MTHFD1L: variants seen among roughly 807,000 people sequenced by gnomAD.
MTHFD1L encodes methylenetetrahydrofolate dehydrogenase (NADP+ dependent) 1 like.
MTHFD1L carries 81 observed loss-of-function variants against 119.5 expected under a neutral mutation model. The ratio of observed to expected loss-of-function variants is 0.68; its 90% CI spans 0.57 to 0.82. MTHFD1L has a LOEUF of 0.82. Ranked by LOEUF, MTHFD1L falls within the 40% of genes least tolerant of loss-of-function variation. The pLI is 0.00. For missense variants in MTHFD1L, 1,125 were observed against 1,253.4 expected (o/e 0.90, Z 1.55); for synonymous variants, 430 against 475.2 (o/e 0.90, Z 1.24).
At chr6:150,940,142 A>G (rs1313046777) in intron 13 of MTHFD1L, among the ~76,000 whole-genome samples, 1 of 152,130 alleles carries the variant, frequency 6.6e-6, no homozygotes, top group Non-Finnish European at 1.5e-5. Flanking sequence ...TATCTGGTTC[A>G]GTTGGCTGTG....
At chr6:150,892,387 C>T (rs767321099) in intron 7 of MTHFD1L, among the ~76,000 whole-genome samples, 23 of 152,134 alleles carry the variant, frequency 1.5e-4, no homozygotes, top group African/African-American at 5.1e-4. Context: ...ACTTTGAGAA[C>T]GATTAAGTGG....
chr6:150,986,731 G>A lies in MTHFD1L; in HGVS notation c.2125+14673G>A, dbSNP rs373096105. ...CTGTTTTTGTTTTTTTGGAGATCAA[G>A]TCTCACTCTGTCGCCCAGGCTGAAG... is the stretch of plus-strand genomic sequence containing the variant. On this transcript the variant is annotated intron_variant, in intron 20 of 27. Coordinates refer to ENST00000367321, the MANE Select transcript of MTHFD1L (RefSeq NM_015440.5). Among the ~76,000 whole-genome samples, 85 of 152,270 alleles carry A rather than the reference G, an allele frequency of 5.6e-4. 3 individuals are homozygous for A. In the South Asian group the frequency reaches 0.017, roughly 30 times the overall value.
intron 26 of MTHFD1L, among the ~76,000 whole-genome samples, chr6:151,038,608 G>A (rs1475918274): frequency 2.0e-5 from 3 of 152,156 alleles, no homozygotes; most frequent in Non-Finnish European, 2.9e-5. Flanking sequence ...GGAGAAGAAT[G>A]TGGTCTGATG....
chr6:150,878,410 C>A (rs915346304), intron 4 of MTHFD1L, among the ~76,000 whole-genome samples: 6 of 152,256 alleles, frequency 3.9e-5, no homozygotes, highest in South Asian at 2.1e-4. Context: ...TGCCACCACG[C>A]CTGGCTAATT....
At chr6:151,059,351 T>G (rs1293197471) in intron 26 of MTHFD1L, among the ~76,000 whole-genome samples, 3 of 151,708 alleles carry the variant, frequency 2.0e-5, no homozygotes, top group African/African-American at 7.3e-5. Flanking sequence ...AGCTAATTTT[T>G]GTATTAGTAG....
rs1793846243 is a variant in MTHFD1L at position 151,086,755 on chromosome 6, C to T, written c.2848-5712C>T. Among the ~76,000 whole-genome samples, 7 of 152,180 alleles carry T rather than the reference C, an allele frequency of 4.6e-5. No homozygotes were observed. In the South Asian group the frequency reaches 1.5e-3, roughly 32 times the overall value. On this transcript the variant is annotated intron_variant, in intron 26 of 27. Coordinates refer to ENST00000367321, the MANE Select transcript of MTHFD1L (RefSeq NM_015440.5). ...ATATTGCCCAGGCTGGTCTTGAACT[C>T]CTGGGCTCAATCCATCCTCCTACCT...
At chr6:151,043,318 G>T (rs1787431971) in intron 26 of MTHFD1L, among the ~76,000 whole-genome samples, 1 of 130,402 alleles carries the variant, frequency 7.7e-6, no homozygotes. Flanking sequence ...AGGCTGGAGT[G>T]CAGTAGCATG....
chr6:151,001,175 T>G (rs1404033048), intron 20 of MTHFD1L, among the ~76,000 whole-genome samples: 1 of 152,200 alleles, frequency 6.6e-6, no homozygotes, highest in African/African-American at 2.4e-5. Flanking sequence ...TGTTGTATAT[T>G]TGATATATGT....
chr6:150,900,931 C>T (rs1785001712), intron 7 of MTHFD1L, among the ~76,000 whole-genome samples: 1 of 151,740 alleles, frequency 6.6e-6, no homozygotes, highest in Admixed American at 6.6e-5. Flanking sequence ...AGGAGAATGG[C>T]ATGAACCCAG....
chr6:150,960,561 A>G, intron 18 of MTHFD1L, 146 bp downstream of exon 18: 2 of 1,138,370 alleles, frequency 1.8e-6, no homozygotes, highest in Non-Finnish European at 2.4e-6. Context: ...CCCGACAAGC[A>G]TGTTTGCCTA....
At chr6:151,003,424 C>T (rs1052654298) in intron 20 of MTHFD1L, among the ~76,000 whole-genome samples, 8 of 151,822 alleles carry the variant, frequency 5.3e-5, no homozygotes, top group South Asian at 2.1e-4. Context: ...CCCACCTACT[C>T]GGGAGGCTGA....
chr6:150,902,049 A>G (rs1211220578), intron 7 of MTHFD1L, among the ~76,000 whole-genome samples: 1 of 152,204 alleles, frequency 6.6e-6, no homozygotes, highest in Non-Finnish European at 1.5e-5. Flanking sequence ...GTTTCAAAAC[A>G]CATTGATAGC....
At chr6:151,000,242 C>G (rs913269572) in intron 20 of MTHFD1L, among the ~76,000 whole-genome samples, 1 of 150,774 alleles carries the variant, frequency 6.6e-6, no homozygotes, top group African/African-American at 2.4e-5. Flanking sequence ...GAGGCTGAGG[C>G]AGGAGAATTG....
In MTHFD1L at chr6:150,926,283, T is replaced by A; in HGVS notation, c.1244T>A (p.Val415Asp). Residue 415 changes from valine to aspartate, a missense_variant, in exon 11 of 28, where the codon GTC (valine) becomes GAC (aspartate). By Grantham distance (152) the Val-to-Asp change is radical. Around this residue, in one of 3 missense-constraint regions of MTHFD1L, gnomAD observed 1,058 missense variants for 1,151.2 expected, o/e 0.92. Transcript: ENST00000367321. This position sits in a 1 kb window ranked among gnomAD's most constrained non-coding sequence, Gnocchi z 4.3. Reference protein sequence around the residue: ...RLKDQADGKYVLVAGITPTPL... With the variant: ...RLKDQADGKYDLVAGITPTPL... ...AAGGATCAAGCAGATGGAAAATACG[T>A]CTTAGTTGCTGGGTAAGACACCATC... 1 of 1,611,262 alleles carries A rather than the reference T, an allele frequency of 6.2e-7. No individual in the cohort carries two copies. Among genetic ancestry groups the A allele is most frequent in the South Asian group, 1.1e-5 (1 of 90,856 alleles).
intron 24 of MTHFD1L, among the ~76,000 whole-genome samples, chr6:151,029,532 C>T (rs1383807732): frequency 1.3e-5 from 2 of 151,886 alleles, no homozygotes; most frequent in Non-Finnish European, 2.9e-5. Context: ...CACAGTGGCT[C>T]ACGCCTGTAA....
chr6:150,975,821 C>T (rs1776476126), intron 20 of MTHFD1L, among the ~76,000 whole-genome samples: 1 of 152,194 alleles, frequency 6.6e-6, no homozygotes, highest in Non-Finnish European at 1.5e-5. Flanking sequence ...CTGAGCAGTA[C>T]CTCATTTAGA....
In MTHFD1L at chr6:150,882,816, C is replaced by G. The variant is rs1044942130; in HGVS notation, c.472C>G (p.Leu158Val). The G allele has an allele frequency of 1.9e-6, 3 of 1,578,634 alleles. No homozygotes were observed. Among genetic ancestry groups the G allele is most frequent in the Non-Finnish European group, 2.6e-6 (3 of 1,168,414 alleles). Reference protein sequence around the residue: ...NEDTRVHGLALQISENLFSNK... With the variant: ...NEDTRVHGLAVQISENLFSNK... ...AGATACCAGAGTACATGGCCTTGCCCTTCAGATCTCTGAGAACTTGTTTAG... is the reference window on the plus strand; with the variant it reads ...AGATACCAGAGTACATGGCCTTGCCGTTCAGATCTCTGAGAACTTGTTTAG... Residue 158 changes from leucine to valine, a missense_variant, in exon 5 of 28, where the codon CTT becomes GTT. Physicochemically the swap from Leu to Val is conservative, Grantham distance 32. Transcript: ENST00000367321.
chr6:150,874,159 A>G (rs1449817023), intron 1 of MTHFD1L, among the ~76,000 whole-genome samples: 2 of 152,224 alleles, frequency 1.3e-5, no homozygotes, highest in Admixed American at 1.3e-4. Context: ...GATGGATTTT[A>G]GTGCTTATTT....
At chr6:150,879,952 T>G (rs750006464) in intron 4 of MTHFD1L, among the ~76,000 whole-genome samples, 3 of 152,186 alleles carry the variant, frequency 2.0e-5, no homozygotes, top group African/African-American at 4.8e-5. Flanking sequence ...TAATAGCCCT[T>G]GATTTTCGTC....
Sources: allele counts gnomAD v4.1 joint callset (sites outside exome capture counted in the v4.1 genomes callset), GRCh38; gene constraint gnomAD v4.1.1; regional missense constraint gnomAD v4.1.1; non-coding constraint Gnocchi (gnomAD v3.1); transcripts MANE v1.5; gene names NCBI Gene and HGNC (gene_info 2026-07-23, HGNC 2026-07-21).